HELB: variants seen among roughly 807,000 people sequenced by gnomAD.
The protein encoded by HELB is DNA helicase B.
In HELB, 96 loss-of-function variants were observed where a neutral mutation model predicts 101.7. The observed-to-expected ratio is 0.94, with a 90% CI of 0.80 to 1.12. The LOEUF is 1.12. Among genes scored for constraint, HELB ranks in the 50% most tolerant of loss-of-function variants. HELB has a pLI of 0.00. For synonymous variants in HELB, 437 were observed against 459.7 expected (o/e 0.95, Z 0.63); for missense variants, 1,210 against 1,291.9 (o/e 0.94, Z 0.97).
rs1565633544 is a variant in HELB at position 66,302,800 on chromosome 12, G to T, written c.187+10G>T. ...CCCGGGTGCCTCCGCGGTGAGGAAG[G>T]CGTCTGCCCGGGGGATGGGGTTGGA... On this transcript the variant is annotated intron_variant, in intron 1 of 12. Transcript: ENST00000247815. The T allele has an allele frequency of 3.1e-6, 5 of 1,598,274 alleles. No homozygotes were observed. The highest frequency in any genetic ancestry group is 2.7e-5 in the African/African-American group (2 of 74,614).
intron 8 of HELB, 53 bp from the exon 9 acceptor site, chr12:66,322,671 T>G (rs1275235148): frequency 1.7e-6 from 2 of 1,177,852 alleles, no homozygotes; most frequent in African/African-American, 1.6e-5. Flanking sequence ...ATAACAAAAG[T>G]AAACCTGTAG....
chr12:66,331,825 C>T (rs1048405451), intron 12 of HELB, among the ~76,000 whole-genome samples, 180 bp downstream of exon 12: 1 of 152,210 alleles, frequency 6.6e-6, no homozygotes, highest in African/African-American at 2.4e-5. Context: ...TTCATTTCCT[C>T]ACTCCTTTTC....
downstream of HELB, chr12:66,338,993 T>C (rs2053896910): frequency 6.6e-6 from 1 of 152,224 alleles, no homozygotes; most frequent in African/African-American, 2.4e-5. Context: ...AATGATTTGA[T>C]TTTTAAATTT....
intron 11 of HELB, among the ~76,000 whole-genome samples, chr12:66,329,958 T>C (rs975878418): frequency 2.0e-5 from 3 of 152,220 alleles, no homozygotes; most frequent in African/African-American, 4.8e-5. Flanking sequence ...GATGTATTTA[T>C]CAAACTTTTA....
intron 1 of HELB, 40 bp downstream of exon 1, chr12:66,302,830 C>T: frequency 6.5e-7 from 1 of 1,527,708 alleles, no homozygotes; most frequent in Non-Finnish European, 8.9e-7. Context: ...GTTGGAGGGT[C>T]CAAAGTAGCG....
Position 66,309,788 on chromosome 12 carries a change from T to TGA in HELB, c.861_862dup (p.Thr288ArgfsTer9). 1 of 1,614,008 alleles carries TGA rather than the reference T, an allele frequency of 6.2e-7. No homozygotes were observed. The highest frequency in any genetic ancestry group is 1.1e-5 in the South Asian group (1 of 91,090). On this transcript the variant is annotated frameshift_variant, in exon 4 of 13. Transcript: ENST00000247815. LOFTEE classifies it high-confidence loss of function. ...CAGTGTGAGTCTCTTCTCCAGCTGA[T>TGA]GACTGATTTGGAGAAGAATGCATTA...
chr12:66,322,053 T>G, intron 8 of HELB, 24 bp downstream of exon 8: 1 of 898,542 alleles, frequency 1.1e-6, no homozygotes, highest in Non-Finnish European at 1.7e-6. Context: ...AATATTTTAA[T>G]GTTTTTAATC....
At chr12:66,311,024 C>T (rs2053538514) in intron 4 of HELB, among the ~76,000 whole-genome samples, 1 of 152,128 alleles carries the variant, frequency 6.6e-6, no homozygotes, top group Non-Finnish European at 1.5e-5. Context: ...GGGTCCCTGT[C>T]TTGCAGTAAC....
intron 7 of HELB, among the ~76,000 whole-genome samples, chr12:66,321,118 G>A (rs2053665771): frequency 6.6e-6 from 1 of 152,118 alleles, no homozygotes; most frequent in African/African-American, 2.4e-5. Flanking sequence ...CCCAGAGCAG[G>A]GCATCACAAG....
rs1191548367 is a variant in HELB at position 66,331,467 on chromosome 12, C to A, written c.2984C>A (p.Thr995Lys). ...PLPVVTDHAM[T>K]NDVTWSEASS... ...CCTGTAGTCACAGACCACGCCATGA[C>A]AAATGATGTCACCTGGAGCGAGGCC... The change falls in exon 12 of 13, where the codon ACA (threonine) becomes AAA (lysine). Residue 995 changes from threonine (T) to lysine (K), a missense_variant. Transcript: ENST00000247815. 2 of 1,614,106 alleles carry A rather than the reference C, an allele frequency of 1.2e-6. No individual in the cohort carries two copies. The highest frequency in any genetic ancestry group is 8.5e-7 in the Non-Finnish European group (1 of 1,180,046).
chr12:66,323,062 G>A (rs962346778), intron 9 of HELB, among the ~76,000 whole-genome samples: 1 of 151,904 alleles, frequency 6.6e-6, no homozygotes, highest in African/African-American at 2.4e-5. Context: ...TAAGCATGGG[G>A]AGCTCAGGGG....
At chr12:66,306,787 A>C (rs1039598890) in intron 3 of HELB, among the ~76,000 whole-genome samples, 2 of 152,180 alleles carry the variant, frequency 1.3e-5, no homozygotes, top group African/African-American at 4.8e-5. Context: ...ATGGGTATTA[A>C]TTTAGTTATG....
At chr12:66,311,127 C>T (rs529414912) in intron 4 of HELB, among the ~76,000 whole-genome samples, 23 of 150,546 alleles carry the variant, frequency 1.5e-4, no homozygotes, top group African/African-American at 5.6e-4. Flanking sequence ...TAAATCAGTG[C>T]ACTGCTTCCT....
In HELB at chr12:66,305,000, A is replaced by G. The variant is rs764097774; in HGVS notation, c.457A>G (p.Asn153Asp). 6.2e-7 allele frequency: 1 copy of G among 1,613,938 alleles called. No homozygotes were observed. Residue 153 changes from asparagine to aspartate, a missense_variant, in exon 2 of 13, where the codon AAC becomes GAC. By Grantham distance (23) the Asn-to-Asp change is conservative. Coordinates refer to ENST00000247815, the MANE Select transcript of HELB (RefSeq NM_001370285.1). ...TTTAACATGGGTAAAGGAGGTATCA[A>G]ACTACAAAAACCTAAACTTTGAAAA... ...KFLTWVKEVSNYKNLNFENLR... is the reference protein window; with the variant it reads ...KFLTWVKEVSDYKNLNFENLR...
At chr12:66,306,786 A>T (rs942471539) in intron 3 of HELB, among the ~76,000 whole-genome samples, 2 of 152,166 alleles carry the variant, frequency 1.3e-5, no homozygotes, top group African/African-American at 4.8e-5. Context: ...TATGGGTATT[A>T]ATTTAGTTAT....
At chr12:66,340,528 T>C (rs909034228), downstream of HELB, 1 of 151,398 alleles carries the variant, frequency 6.6e-6, no homozygotes, top group African/African-American at 2.5e-5. Flanking sequence ...ACCAATAGGA[T>C]ATATGTGGAT....
At chr12:66,304,681 A>G (rs2118140) in intron 1 of HELB, 50 bp from the exon 2 acceptor site, 778,171 of 1,508,760 alleles carry the variant, frequency 0.52, 203,511 homozygotes, top group Middle Eastern at 0.62. Flanking sequence ...AACGGTTTCT[A>G]AATAATCTCC....
At position 66,338,144 on chromosome 12, in the gene HELB, G is replaced by C. The variant is rs760994459; in HGVS notation, c.*42G>C. 2.6e-6 allele frequency: 3 copies of C among 1,150,060 alleles called. No homozygotes were observed. The highest frequency in any genetic ancestry group is 1.3e-6 in the Non-Finnish European group (1 of 765,166). 71.2% of individuals were successfully genotyped at this position (1,150,060 alleles called of 1,614,324 possible). Reference sequence around the variant, plus strand: ...TCCGAGTAACTATGTTTTTCTATTGGAGACAAAATGAACATCGTAACGTCA... The same window carrying C: ...TCCGAGTAACTATGTTTTTCTATTGCAGACAAAATGAACATCGTAACGTCA... On this transcript the variant is annotated 3_prime_UTR_variant, in exon 13 of 13. Transcript: ENST00000247815.
chr12:66,332,328 A>T (rs2053819641), intron 12 of HELB, among the ~76,000 whole-genome samples: 1 of 152,114 alleles, frequency 6.6e-6, no homozygotes, highest in African/African-American at 2.4e-5. Context: ...CATTCTCGTA[A>T]TGTAGCATTC....
Sources: gnomAD v4.1 joint callset for allele counts (sites outside exome capture counted in the v4.1 genomes callset) on GRCh38, gnomAD v4.1.1 for gene constraint, MANE v1.5 for transcripts, NCBI Gene and HGNC (gene_info 2026-07-23, HGNC 2026-07-21) for gene names.